The following MSL2 variants were observed in gnomAD, a reference collection of about 807,000 sequenced individuals.
The protein encoded by MSL2 is E3 ubiquitin-protein ligase MSL2.
In MSL2, 2 loss-of-function variants were observed where a neutral mutation model predicts 35.8. That is an observed-to-expected ratio of 0.06 (90% CI 0.02 to 0.18). MSL2 has a LOEUF of 0.18. Among genes scored for constraint, MSL2 ranks in the 10% least tolerant of loss-of-function variants. The pLI is 1.00. For synonymous variants in MSL2, 296 were observed against 255.7 expected (o/e 1.16, Z -1.50); for missense variants, 523 against 706.7 (o/e 0.74, Z 2.95).
At chr3:136,187,537 G>A (rs540745113) in intron 1 of MSL2, among the ~76,000 whole-genome samples, 15 of 152,054 alleles carry the variant, frequency 9.9e-5, no homozygotes, top group African/African-American at 2.2e-4. Flanking sequence ...TGGGTGTGGC[G>A]GATGCCTGTA....
intron 1 of MSL2, among the ~76,000 whole-genome samples, chr3:136,159,725 G>C (rs1048079075): frequency 2.0e-5 from 3 of 151,444 alleles, no homozygotes; most frequent in Non-Finnish European, 4.4e-5. Flanking sequence ...AATGCCAAAA[G>C]GAAAAAAACA....
At chr3:136,176,712 T>C (rs1940192373) in intron 1 of MSL2, among the ~76,000 whole-genome samples, 1 of 151,542 alleles carries the variant, frequency 6.6e-6, no homozygotes, top group Admixed American at 6.6e-5. Flanking sequence ...CACACCCTTC[T>C]CTCTCTTGCT....
chr3:136,165,127 T>G (rs1367132984), intron 1 of MSL2, among the ~76,000 whole-genome samples: 3 of 150,792 alleles, frequency 2.0e-5, no homozygotes, highest in African/African-American at 7.3e-5. Context: ...CCGCCCGCCT[T>G]GGCCTCCCAA....
chr3:136,161,346 A>T (rs1200234437), intron 1 of MSL2, among the ~76,000 whole-genome samples: 14 of 152,250 alleles, frequency 9.2e-5, no homozygotes, highest in Admixed American at 9.2e-4. Flanking sequence ...CATAGAAACC[A>T]GCAAAATTCT....
At chr3:136,182,261 G>A (rs1443120049) in intron 1 of MSL2, among the ~76,000 whole-genome samples, 2 of 152,130 alleles carry the variant, frequency 1.3e-5, no homozygotes, top group Non-Finnish European at 2.9e-5. Flanking sequence ...TTAATTAGAC[G>A]AAATTTAAAT....
At chr3:136,193,468 A>G (rs1249155010) in intron 1 of MSL2, among the ~76,000 whole-genome samples, 1 of 151,962 alleles carries the variant, frequency 6.6e-6, no homozygotes, top group Non-Finnish European at 1.5e-5. Flanking sequence ...CTACCTCACC[A>G]TAGTAGCACC....
rs1437098614 is a variant in MSL2, at chr3:136,149,337, CTG to C, written c.*1808_*1809del. The C allele has an allele frequency of 3.9e-5, 6 of 152,458 alleles. No homozygotes were observed. Among genetic ancestry groups the C allele is most frequent in the Non-Finnish European group, 7.4e-5 (5 of 68,008 alleles). 9.4% of individuals were successfully genotyped at this position (152,458 alleles called of 1,614,324 possible). On this transcript the variant is annotated 3_prime_UTR_variant, in exon 2 of 2. Coordinates refer to ENST00000309993, the MANE Select transcript of MSL2 (RefSeq NM_018133.4). ...CAGGGCATCTGGGTTCAACACAAAA[CTG>C]TTACAAACGTTAGGTAAATACACGT...
At chr3:136,190,210 G>A (rs568919171) in intron 1 of MSL2, among the ~76,000 whole-genome samples, 4 of 152,120 alleles carry the variant, frequency 2.6e-5, no homozygotes, top group Non-Finnish European at 5.9e-5. Flanking sequence ...CAATATATAT[G>A]GGCCTGTGCC....
At position 136,195,631 on chromosome 3, in the gene MSL2, T is replaced by G. The variant is rs1313894119; in HGVS notation, c.-518A>C. 6.1e-6 allele frequency: 6 copies of G among 980,404 alleles called. No homozygotes were observed. Among genetic ancestry groups the G allele is most frequent in the Non-Finnish European group, 7.3e-6 (6 of 825,358 alleles). 60.7% of individuals were successfully genotyped at this position (980,404 alleles called of 1,614,324 possible). On this transcript the variant is annotated 5_prime_UTR_variant, in exon 1 of 2. Transcript: ENST00000309993. Reference sequence around the variant, plus strand: ...GCGGCGGCGACGGCAAGGACGACGGTCGGGCAGCGGCTTCCCGGATCTAGT... The same window carrying G: ...GCGGCGGCGACGGCAAGGACGACGGGCGGGCAGCGGCTTCCCGGATCTAGT...
At position 136,189,182 on chromosome 3, in the gene MSL2, C is replaced by A. The variant is rs567532932; in HGVS notation, c.142+5790G>T. 2.1e-5 allele frequency among the ~76,000 whole-genome samples: 3 copies of A among 142,910 alleles called. No individual in the cohort carries two copies. The Admixed American group carries it at 2.1e-4, about 10-fold the overall frequency. The allele number at this position is 142,910 out of a possible 152,430, so 93.8% of individuals were successfully genotyped here. On this transcript the variant is annotated intron_variant, in intron 1 of 1. Coordinates refer to ENST00000309993, the MANE Select transcript of MSL2 (RefSeq NM_018133.4). ...GAGCATGGTACCGCACGCCTACAGT[C>A]CCAACTAATTGAAAGGCTGAGGTGG...
chr3:136,179,293 C>G (rs1940271214), intron 1 of MSL2, among the ~76,000 whole-genome samples: 1 of 152,074 alleles, frequency 6.6e-6, no homozygotes, highest in South Asian at 2.1e-4. Context: ...TTCAAGCAAT[C>G]CCTGCACCTC....
chr3:136,178,889 T>C (rs923807372), intron 1 of MSL2, among the ~76,000 whole-genome samples: 1 of 151,782 alleles, frequency 6.6e-6, no homozygotes, highest in Non-Finnish European at 1.5e-5. Context: ...ACAGCACTAC[T>C]ACCATCAAAC....
chr3:136,168,305 G>C (rs1465147706), intron 1 of MSL2, among the ~76,000 whole-genome samples: 1 of 152,014 alleles, frequency 6.6e-6, no homozygotes, highest in Admixed American at 6.6e-5. Context: ...AACAACAGTC[G>C]TGAGACTTTA....
intron 1 of MSL2, among the ~76,000 whole-genome samples, chr3:136,185,911 G>C (rs1328225303): frequency 6.6e-6 from 1 of 151,916 alleles, no homozygotes; most frequent in Non-Finnish European, 1.5e-5. Context: ...AAAATCAATG[G>C]AGACAATTAC....
chr3:136,163,233 T>C (rs1477659880), intron 1 of MSL2, among the ~76,000 whole-genome samples: 2 of 152,214 alleles, frequency 1.3e-5, no homozygotes, highest in African/African-American at 2.4e-5. Context: ...CACTCCAACC[T>C]GGGCAACAGA....
chr3:136,190,660 T>C (rs926657453), intron 1 of MSL2, among the ~76,000 whole-genome samples: 2 of 152,244 alleles, frequency 1.3e-5, no homozygotes, highest in African/African-American at 2.4e-5. Flanking sequence ...AACAGGATTT[T>C]TGATTGTATA....
intron 1 of MSL2, among the ~76,000 whole-genome samples, chr3:136,163,165 A>G (rs974373999): frequency 1.3e-4 from 20 of 152,298 alleles, no homozygotes; most frequent in African/African-American, 4.8e-4. Context: ...AGGCTACGGC[A>G]GGAGAACTGT....
At chr3:136,189,964 C>G (rs998162953) in intron 1 of MSL2, among the ~76,000 whole-genome samples, 2 of 152,000 alleles carry the variant, frequency 1.3e-5, no homozygotes, top group African/African-American at 4.8e-5. Context: ...TTTCGTAGTT[C>G]CTGCTACTTG....
Position 136,151,662 on chromosome 3 carries a change from T to C in MSL2, c.1219A>G (p.Ser407Gly), listed in dbSNP as rs774053820. ...ISKTVLLSTK[S>G]MKKSHEHGSK... ...CCATGTTCATGACTCTTTTTCATGC[T>C]TTTAGTAGATAAAAGTACAGTTTTG... The change falls in exon 2 of 2, where the codon AGC becomes GGC. Residue 407 changes from serine (S) to glycine (G), a missense_variant. Physicochemically the swap from Ser to Gly is moderately conservative, Grantham distance 56. Around this residue, in one of 5 missense-constraint regions of MSL2, gnomAD observed 361 missense variants for 414.6 expected, o/e 0.87. Coordinates refer to ENST00000309993, the MANE Select transcript of MSL2 (RefSeq NM_018133.4). This position sits in a 1 kb window ranked among gnomAD's most constrained non-coding sequence, Gnocchi z 5.2. The C allele has an allele frequency of 4.3e-6, 7 of 1,614,170 alleles. No homozygotes were observed. Among genetic ancestry groups the C allele is most frequent in the Non-Finnish European group, 5.9e-6 (7 of 1,180,032 alleles).
Sources: gnomAD v4.1 joint callset for allele counts (sites outside exome capture counted in the v4.1 genomes callset) on GRCh38, gnomAD v4.1.1 for gene constraint, gnomAD v4.1.1 regional missense constraint, Gnocchi (gnomAD v3.1) non-coding constraint, MANE v1.5 for transcripts, NCBI Gene and HGNC (gene_info 2026-07-23, HGNC 2026-07-21) for gene names.